EIF1AX: variants seen among roughly 807,000 people sequenced by gnomAD.
The protein encoded by EIF1AX is eukaryotic translation initiation factor 1A, X-chromosomal.
In EIF1AX, 1 loss-of-function variant was observed where a neutral mutation model predicts 16.1. The observed-to-expected ratio is 0.06, with a 90% confidence interval of 0.02 to 0.30. The LOEUF (loss-of-function observed/expected upper bound fraction) is 0.30, where lower values mean the gene tolerates loss of function less well. Ranked by LOEUF, EIF1AX falls within the 10% of genes least tolerant of loss-of-function variation. EIF1AX has a pLI of 1.00. For missense variants in EIF1AX, 11 were observed against 109.1 expected (o/e 0.10, Z 4.00); for synonymous variants, 32 against 37.3 (o/e 0.86, Z 0.51).
At position 20,141,436 on chromosome X, in the gene EIF1AX, A is replaced by C. The variant is rs187492889; in HGVS notation, c.16+189T>G. ...GCCGGCTCCACCCCAATGTGACCAA[A>C]CTGGGCAACAGGAGTTAACTTCCCA... On this transcript the variant is annotated intron_variant, in intron 1 of 6. Coordinates refer to ENST00000379607, the MANE Select transcript of EIF1AX (RefSeq NM_001412.4). Among the ~76,000 whole-genome samples the C allele has an allele frequency of 0.012, 1,301 of 111,242 alleles. 6 individuals are homozygous for C. The highest frequency in any genetic ancestry group is 0.019 in the Middle Eastern group (4 of 215).
chrX:20,138,627 T>C lies in EIF1AX; in HGVS notation c.17-5A>G. Reference sequence around the variant, plus strand: ...GTCTGTTTTTACCTCCTTTACCTGATGGTTTAAAAAAAAGAAAAGGAGGTA... The same window carrying C: ...GTCTGTTTTTACCTCCTTTACCTGACGGTTTAAAAAAAAGAAAAGGAGGTA... On this transcript the variant is annotated splice_polypyrimidine_tract_variant and splice_region_variant and intron_variant, in intron 1 of 6. Coordinates refer to ENST00000379607, the MANE Select transcript of EIF1AX (RefSeq NM_001412.4). 8.7e-7 allele frequency: 1 copy of C among 1,147,505 alleles called. No homozygotes were observed. The highest frequency in any genetic ancestry group is 3.0e-5 in the East Asian group (1 of 33,117). 94.6% of individuals were successfully genotyped at this position (1,147,505 alleles called of 1,213,427 possible).
At chrX:20,129,865 T>G (rs2066995866) in intron 6 of EIF1AX, among the ~76,000 whole-genome samples, 1 of 112,724 alleles carries the variant, frequency 8.9e-6, no homozygotes, top group Non-Finnish European at 1.9e-5. Context: ...AAGATCTATT[T>G]TTCAACTGTC....
chrX:20,141,594 A>C, intron 1 of EIF1AX, 31 bp downstream of exon 1: 1 of 1,149,580 alleles, frequency 8.7e-7, no homozygotes, highest in Non-Finnish European at 1.2e-6. Flanking sequence ...GGCCGAGCAG[A>C]GCCGTGGTCC....
Position 20,141,669 on chromosome X carries a change from T to C in EIF1AX, c.-29A>G, listed in dbSNP as rs1460947322. Reference sequence around the variant, plus strand: ...GGTGGCGGCGACCTCGCGGCGTCTCTGACTTCTTTCCGGGTAGCGGCGACC... The same window carrying C: ...GGTGGCGGCGACCTCGCGGCGTCTCCGACTTCTTTCCGGGTAGCGGCGACC... On this transcript the variant is annotated 5_prime_UTR_variant, in exon 1 of 7. Transcript: ENST00000379607. The C allele has an allele frequency of 3.5e-6, 4 of 1,151,378 alleles. No individual in the cohort carries two copies. The Admixed American group carries it at 1.1e-4, about 31-fold the overall frequency. 94.9% of individuals were successfully genotyped at this position (1,151,378 alleles called of 1,213,427 possible). A position where few individuals can be genotyped will look rare whatever the true frequency, so the allele number is the denominator to read the frequency against.
chrX:20,141,592 A>T (rs1182949245), intron 1 of EIF1AX, 33 bp downstream of exon 1: 1 of 1,149,289 alleles, frequency 8.7e-7, no homozygotes, highest in Admixed American at 2.7e-5. Context: ...CCGGCCGAGC[A>T]GAGCCGTGGT....
chrX:20,124,796 T>C lies in EIF1AX; in HGVS notation c.*3510A>G. 1 of 146,216 alleles carries C rather than the reference T, an allele frequency of 6.8e-6. No homozygotes were observed. Among genetic ancestry groups the C allele is most frequent in the Non-Finnish European group, 1.4e-5 (1 of 72,904 alleles). 12.0% of individuals were successfully genotyped at this position (146,216 alleles called of 1,213,427 possible). On this transcript the variant is annotated 3_prime_UTR_variant, in exon 7 of 7. Transcript: ENST00000379607. The stretch of plus-strand genomic sequence containing the variant: ...AATGAGAGACTTCATCTGTTAGTCT[T>C]ATGCCAAATTAAATGAGTTTGGTAG...
chrX:20,135,900 T>TAA, intron 2 of EIF1AX, 59 bp from the exon 3 acceptor site: 1 of 822,583 alleles, frequency 1.2e-6, no homozygotes, highest in Non-Finnish European at 1.8e-6. Context: ...AACAGCAACT[T>TAA]AAAGTCCACA....
chrX:20,130,460 T>C lies in EIF1AX; in HGVS notation c.429+56A>G, dbSNP rs923565723. On this transcript the variant is annotated intron_variant, in intron 6 of 6. Transcript: ENST00000379607. ...AAAATTAATGGATGTTAGGGGAAAG[T>C]TGGTTTCTCCATGGATAATAACAAA... 2.5e-5 allele frequency: 28 copies of C among 1,102,576 alleles called. 1 individual carries two copies. In the South Asian group the frequency reaches 4.6e-4, roughly 18 times the overall value. The allele number at this position is 1,102,576 out of a possible 1,213,427, so 90.9% of individuals were successfully genotyped here.
chrX:20,129,412 C>G (rs1026895953), intron 6 of EIF1AX, among the ~76,000 whole-genome samples: 1 of 111,645 alleles, frequency 9.0e-6, no homozygotes, highest in African/African-American at 3.3e-5. Context: ...CCACATCTGA[C>G]TTATTATTGT....
intron 3 of EIF1AX, among the ~76,000 whole-genome samples, chrX:20,134,620 C>T (rs943770609): frequency 1.8e-5 from 2 of 109,922 alleles, no homozygotes; most frequent in African/African-American, 6.6e-5. Context: ...TGCCTATAAT[C>T]CCAGCTACTC....
chrX:20,127,595 A>G lies in EIF1AX; in HGVS notation c.*711T>C, dbSNP rs2066989045. 1 of 148,684 alleles carries G rather than the reference A, an allele frequency of 6.7e-6. No individual in the cohort carries two copies. The highest frequency in any genetic ancestry group is 8.6e-5 in the Admixed American group (1 of 11,599). The allele number at this position is 148,684 out of a possible 1,213,427, so 12.3% of individuals were successfully genotyped here. A position where few individuals can be genotyped will look rare whatever the true frequency, so the allele number is the denominator to read the frequency against. On this transcript the variant is annotated 3_prime_UTR_variant, in exon 7 of 7. Transcript: ENST00000379607. Reference sequence around the variant, plus strand: ...CTTACACATAGTAAAAGAAAAGTCAACAATTGTATCAGTACTTCCCCTGTT... The same window carrying G: ...CTTACACATAGTAAAAGAAAAGTCAGCAATTGTATCAGTACTTCCCCTGTT...
At position 20,132,213 on chromosome X, in the gene EIF1AX, A is replaced by G. The variant is rs1387335737; in HGVS notation, c.306T>C (p.Ser102=). The G allele has an allele frequency of 8.3e-7, 1 of 1,203,884 alleles. No homozygotes were observed. Among genetic ancestry groups the G allele is most frequent in the Non-Finnish European group, 1.1e-6 (1 of 892,317 alleles). Reference sequence around the variant, plus strand: ...CTGGAAGCTCGCCGTATGCCTTCAGACTTCTAGCTTCGTCTGCATTGTATT... The same window carrying G: ...CTGGAAGCTCGCCGTATGCCTTCAGGCTTCTAGCTTCGTCTGCATTGTATT... ...ILKYNADEAR[S]LKAYGELPEH... is the part of the protein sequence containing the mutation. The change falls in exon 5 of 7, where the codon AGT becomes AGC. Residue 102 remains serine, a synonymous_variant. Coordinates refer to ENST00000379607, the MANE Select transcript of EIF1AX (RefSeq NM_001412.4).
rs1319419796 is a variant in EIF1AX at position 20,124,653 on chromosome X, A to T, written c.*3653T>A. The T allele has an allele frequency of 6.8e-6, 1 of 146,508 alleles. No individual in the cohort carries two copies. The highest frequency in any genetic ancestry group is 1.4e-5 in the Non-Finnish European group (1 of 73,911). 12.1% of individuals were successfully genotyped at this position (146,508 alleles called of 1,213,427 possible). A position where few individuals can be genotyped will look rare whatever the true frequency, so the allele number is the denominator to read the frequency against. ...TAATTAGCTGTCATGAATCTATAGT[A>T]AAAGGAATCACTGAAGATTTAAGAA... On this transcript the variant is annotated 3_prime_UTR_variant, in exon 7 of 7. Coordinates refer to ENST00000379607, the MANE Select transcript of EIF1AX (RefSeq NM_001412.4).
chrX:20,126,308 T>G lies in EIF1AX; in HGVS notation c.*1998A>C, dbSNP rs2066985126. 7.7e-6 allele frequency: 1 copy of G among 129,893 alleles called. No homozygotes were observed. The highest frequency in any genetic ancestry group is 1.5e-5 in the Non-Finnish European group (1 of 67,480). The allele number at this position is 129,893 out of a possible 1,213,427, so 10.7% of individuals were successfully genotyped here. A position where few individuals can be genotyped will look rare whatever the true frequency, so the allele number is the denominator to read the frequency against. ...AGTAGAAGAATTCCTCCAAGTAGTA[T>G]TGCATATAAGCTACAACTTTACCCC... On this transcript the variant is annotated 3_prime_UTR_variant, in exon 7 of 7. Transcript: ENST00000379607.
intron 1 of EIF1AX, chrX:20,140,010 G>A (rs1266841088): frequency 1.8e-5 from 2 of 112,418 alleles, no homozygotes; most frequent in South Asian, 3.6e-4. Context: ...GCCATGTAAT[G>A]GGATGTTCTT....
chrX:20,141,797 T>A lies in EIF1AX; in HGVS notation c.-157A>T. Reference sequence around the variant, plus strand: ...CGGGAGAGGCTGGCGACCCAGCTCTTCAGAGATCCGCCTGCGTCCACGCTC... The same window carrying A: ...CGGGAGAGGCTGGCGACCCAGCTCTACAGAGATCCGCCTGCGTCCACGCTC... On this transcript the variant is annotated 5_prime_UTR_variant, in exon 1 of 7. Coordinates refer to ENST00000379607, the MANE Select transcript of EIF1AX (RefSeq NM_001412.4). 3.9e-6 allele frequency: 2 copies of A among 513,145 alleles called. No homozygotes were observed. The highest frequency in any genetic ancestry group is 6.0e-6 in the Non-Finnish European group (2 of 333,411). The allele number at this position is 513,145 out of a possible 1,213,427, so 42.3% of individuals were successfully genotyped here.
intron 2 of EIF1AX, 119 bp from the exon 3 acceptor site, chrX:20,135,960 A>C: frequency 2.0e-6 from 1 of 510,630 alleles, no homozygotes. Context: ...AAATACATAT[A>C]GTAAAACTAT....
chrX:20,125,305 T>C lies in EIF1AX; in HGVS notation c.*3001A>G. 5.9e-6 allele frequency: 1 copy of C among 169,859 alleles called. No homozygotes were observed. The highest frequency in any genetic ancestry group is 1.1e-5 in the Non-Finnish European group (1 of 87,920). 14.0% of individuals were successfully genotyped at this position (169,859 alleles called of 1,213,427 possible). On this transcript the variant is annotated 3_prime_UTR_variant, in exon 7 of 7. Transcript: ENST00000379607. ...TCTCCAAATTGCTCAGTTCATTCTA[T>C]ACCTGAGAGTCTTGTGTCTTTTCAC...
intron 3 of EIF1AX, 70 bp downstream of exon 3, chrX:20,135,668 C>T: frequency 1.3e-6 from 1 of 784,924 alleles, no homozygotes; most frequent in South Asian, 2.2e-5. Context: ...AGTCCATGGA[C>T]AGTTAAAAAC....
Sources: gnomAD v4.1 joint callset for allele counts (sites outside exome capture counted in the v4.1 genomes callset) on GRCh38, gnomAD v4.1.1 for gene constraint, MANE v1.5 for transcripts, NCBI Gene and HGNC (gene_info 2026-07-23, HGNC 2026-07-21) for gene names.